The following VPS13B variants were observed in gnomAD, a reference collection of about 807,000 sequenced individuals.
VPS13B encodes intermembrane lipid transfer protein VPS13B.
VPS13B carries 285 observed loss-of-function variants against 426.4 expected under a neutral mutation model. That is an observed-to-expected ratio of 0.67 (90% CI 0.61 to 0.74). VPS13B has a LOEUF of 0.74. Ranked by LOEUF, VPS13B falls within the 30% of genes least tolerant of loss-of-function variation. The pLI is 0.00. For missense variants in VPS13B, 4,537 were observed against 4,782.6 expected (o/e 0.95, Z 1.51); for synonymous variants, 1,676 against 1,676.4 (o/e 1.00, Z 0.01).
intron 35 of VPS13B, among the ~76,000 whole-genome samples, chr8:99,685,148 G>A (rs1219114063): frequency 2.0e-5 from 3 of 152,212 alleles, no homozygotes; most frequent in Non-Finnish European, 4.4e-5. Flanking sequence ...TTTCAGGAAA[G>A]AGATAAACAA....
chr8:99,700,043 A>C (rs918942663), intron 36 of VPS13B, 111 bp downstream of exon 36: 7 of 1,320,768 alleles, frequency 5.3e-6, no homozygotes, highest in African/African-American at 3.0e-5. Context: ...AAAGTTGTAA[A>C]GGCCATTAGA....
chr8:99,391,851 A>G (rs1274666227), intron 21 of VPS13B, 147 bp downstream of exon 21: 1 of 1,152,074 alleles, frequency 8.7e-7, no homozygotes, highest in Non-Finnish European at 1.2e-6. Flanking sequence ...CATTAGCAAT[A>G]ATCACAGTAT....
At chr8:99,239,391 T>G (rs189671775) in intron 17 of VPS13B, among the ~76,000 whole-genome samples, 176 of 152,284 alleles carry the variant, frequency 1.2e-3, no homozygotes, top group African/African-American at 4.2e-3. Context: ...GATACCCTAT[T>G]TTGCCGAGTA....
At chr8:99,821,555 T>A in intron 50 of VPS13B, 73 bp downstream of exon 50, 2 of 1,563,338 alleles carry the variant, frequency 1.3e-6, no homozygotes, top group Non-Finnish European at 1.8e-6. Context: ...TGAATCTGCC[T>A]TTTTCTTTTT....
chr8:99,663,065 A>G (rs951912196), intron 35 of VPS13B, among the ~76,000 whole-genome samples: 4 of 152,152 alleles, frequency 2.6e-5, no homozygotes, highest in Non-Finnish European at 1.5e-5. Context: ...TCAAAAAAAA[A>G]GAAAAGAATT....
At chr8:99,850,692 G>A (rs892606262) in intron 55 of VPS13B, among the ~76,000 whole-genome samples, 3 of 152,162 alleles carry the variant, frequency 2.0e-5, no homozygotes, top group Non-Finnish European at 4.4e-5. Context: ...TTGGGAGGCC[G>A]AGGTGGGTGG....
At chr8:99,787,415 A>G (rs1171236936) in intron 43 of VPS13B, among the ~76,000 whole-genome samples, 1 of 152,176 alleles carries the variant, frequency 6.6e-6, no homozygotes, top group Non-Finnish European at 1.5e-5. Flanking sequence ...ATATCTCACA[A>G]CAGTTTCTTG....
rs187814134 is a variant in VPS13B, at chr8:99,315,191, G to T, written c.2824+39937G>T. On this transcript the variant is annotated intron_variant, in intron 19 of 61. Transcript: ENST00000357162. ...TATCTAAATCTCTTGCTAAACTTCA[G>T]AAGTTTTCAGCTACTATTTCATTAA... 2.3e-3 allele frequency among the ~76,000 whole-genome samples: 352 copies of T among 152,232 alleles called. 3 individuals are homozygous for T. The highest frequency in any genetic ancestry group is 4.2e-3 in the Non-Finnish European group (287 of 68,020).
intron 25 of VPS13B, among the ~76,000 whole-genome samples, chr8:99,487,161 G>A: frequency 6.6e-6 from 1 of 150,594 alleles, no homozygotes; most frequent in African/African-American, 2.4e-5. Flanking sequence ...TGTTCACATA[G>A]ATTAACTTCC....
intron 3 of VPS13B, among the ~76,000 whole-genome samples, chr8:99,063,330 G>C (rs1359058221): frequency 6.6e-6 from 1 of 152,194 alleles, no homozygotes; most frequent in East Asian, 1.9e-4. Flanking sequence ...GGGAAGCTGT[G>C]ACAGACGGTA....
In VPS13B at chr8:99,170,051, C is replaced by A; in HGVS notation, c.2221C>A (p.Gln741Lys). Residue 741 changes from glutamine to lysine, a missense_variant, in exon 16 of 62, where the codon CAG becomes AAG. By Grantham distance (53) the Gln-to-Lys change is moderately conservative. Coordinates refer to ENST00000357162, the MANE Select transcript of VPS13B (RefSeq NM_152564.5). ...VHCYLKIFGF[Q>K]AGLTSLDCSG... ...CTTTTTGTTTTAGATATTTGGTTTC[C>A]AGGCAGGACTGACGTCTTTGGATTG... 1 of 1,612,632 alleles carries A rather than the reference C, an allele frequency of 6.2e-7. No homozygotes were observed. The highest frequency in any genetic ancestry group is 8.5e-7 in the Non-Finnish European group (1 of 1,178,856).
intron 7 of VPS13B, among the ~76,000 whole-genome samples, chr8:99,116,201 A>T (rs1588054567): frequency 6.8e-6 from 1 of 146,222 alleles, no homozygotes. Context: ...GTAATTTTGT[A>T]TTTTTTTTTT....
chr8:99,655,535 G>A (rs1829990898), intron 34 of VPS13B, among the ~76,000 whole-genome samples: 1 of 152,092 alleles, frequency 6.6e-6, no homozygotes. Context: ...TCCCGAGGAG[G>A]TGGGTTAGGA....
At chr8:99,515,294 C>T (rs1821997638) in intron 29 of VPS13B, among the ~76,000 whole-genome samples, 1 of 152,178 alleles carries the variant, frequency 6.6e-6, no homozygotes, top group South Asian at 2.1e-4. Context: ...GTTGCTTCAA[C>T]TAGGAAAATC....
At chr8:99,843,822 T>A (rs1038188668) in intron 54 of VPS13B, among the ~76,000 whole-genome samples, 6 of 152,174 alleles carry the variant, frequency 3.9e-5, no homozygotes, top group African/African-American at 1.4e-4. Flanking sequence ...ATAATCACAG[T>A]CTCTTTTACT....
chr8:99,190,733 T>C (rs1050617412), intron 16 of VPS13B, among the ~76,000 whole-genome samples: 2 of 152,248 alleles, frequency 1.3e-5, no homozygotes, highest in African/African-American at 2.4e-5. Context: ...TTGTGCATTC[T>C]ACTTTTACAT....
rs1809994193 is a variant in VPS13B, at chr8:99,134,910, C to T, written c.1303-105C>T. On this transcript the variant is annotated intron_variant, in intron 9 of 61. Coordinates refer to ENST00000357162, the MANE Select transcript of VPS13B (RefSeq NM_152564.5). ...TAGTATAGAATAAATTTAAAAATGACATAATTCTAAAGATGTTTAACTAAT... is the reference window on the plus strand; with the variant it reads ...TAGTATAGAATAAATTTAAAAATGATATAATTCTAAAGATGTTTAACTAAT... The T allele has an allele frequency of 1.3e-5, 18 of 1,380,474 alleles. No individual in the cohort carries two copies. In the South Asian group the frequency reaches 1.9e-4, roughly 14 times the overall value. 85.5% of individuals were successfully genotyped at this position (1,380,474 alleles called of 1,614,324 possible).
intron 30 of VPS13B, among the ~76,000 whole-genome samples, chr8:99,533,922 A>T (rs1823057668): frequency 6.6e-6 from 1 of 152,086 alleles, no homozygotes; most frequent in African/African-American, 2.4e-5. Context: ...CCTCCTCCCA[A>T]CTTTTAATTT....
At chr8:99,851,183 TAATAAC>T (rs1174951849) in intron 55 of VPS13B, among the ~76,000 whole-genome samples, 4 of 152,222 alleles carry the variant, frequency 2.6e-5, no homozygotes, top group Admixed American at 2.6e-4. Flanking sequence ...GCATAAATGT[TAATAAC>T]AATAGAAGCA....
Sources: allele counts gnomAD v4.1 joint callset (sites outside exome capture counted in the v4.1 genomes callset), GRCh38; gene constraint gnomAD v4.1.1; transcripts MANE v1.5; gene names NCBI Gene and HGNC (gene_info 2026-07-23, HGNC 2026-07-21).